Variants in TBXT observed in about 807,000 individuals in gnomAD.
TBXT encodes the protein T brachyury transcription factor.
In TBXT, 19 loss-of-function variants were observed where a neutral mutation model predicts 41.1. The observed-to-expected ratio is 0.46, with a 90% CI of 0.32 to 0.68. The LOEUF (loss-of-function observed/expected upper bound fraction) is 0.68, where lower values mean the gene tolerates loss of function less well. Among genes scored for constraint, TBXT ranks in the 30% least tolerant of loss-of-function variants. The pLI, the probability that TBXT is intolerant of heterozygous loss-of-function variation, is 0.03. For synonymous variants in TBXT, 213 were observed against 238.9 expected, an observed-to-expected ratio of 0.89 and a Z score of 1.00; for missense variants, 536 against 582.0, an observed-to-expected ratio of 0.92 and a Z score of 0.81.
In TBXT at chr6:166,157,787, A is replaced by G. The variant is rs1304601304; in HGVS notation, c.*528T>C. On this transcript the variant is annotated 3_prime_UTR_variant, in exon 8 of 8. Coordinates refer to ENST00000366876, the MANE Select transcript of TBXT (RefSeq NM_001366285.2). ...TTAGCTACATATGCTTAAAATACAC[A>G]CATTCTAGGGGGCAGAGCAGTCAAA... 1 of 161,158 alleles carries G rather than the reference A, an allele frequency of 6.2e-6. No homozygotes were observed. The highest frequency in any genetic ancestry group is 5.9e-5 in the Admixed American group (1 of 16,926). The allele number at this position is 161,158 out of a possible 1,614,324, so 10.0% of individuals were successfully genotyped here.
At chr6:166,168,585 T>C (rs956638363), upstream of TBXT, 12 of 152,282 alleles carry the variant, frequency 7.9e-5, no homozygotes, top group Admixed American at 6.5e-4. Context: ...GCTCTCACCA[T>C]CTGGAAAAGG....
Position 166,166,732 on chromosome 6 carries a change from G to A in TBXT, c.331C>T (p.Pro111Ser), listed in dbSNP as rs773839438. The stretch of plus-strand genomic sequence containing the variant: ...GCCTGCGGCTCCGGCTTGCCCCCCG[G>A]CACCCATTCCCCGTTCACGTACTTC... ...RWKYVNGEWV[P>S]GGKPEPQAPS... Residue 111 changes from proline to serine, a missense_variant, in exon 2 of 8, where the codon CCG (proline) becomes TCG (serine). Transcript: ENST00000366876. 16 of 1,613,786 alleles carry A rather than the reference G, an allele frequency of 9.9e-6. No homozygotes were observed. In the Middle Eastern group the frequency reaches 4.9e-4, roughly 50 times the overall value.
At chr6:166,168,315 C>G (rs1309550371), upstream of TBXT, 10 of 152,308 alleles carry the variant, frequency 6.6e-5, no homozygotes. Context: ...CTGGAACGTT[C>G]GCGCGGCCTC....
In TBXT at chr6:166,167,509, A is replaced by T. The variant is rs1266253845; in HGVS notation, c.83T>A (p.Leu28Gln). 21 of 1,607,704 alleles carry T rather than the reference A, an allele frequency of 1.3e-5. No individual in the cohort carries two copies. Among genetic ancestry groups the T allele is most frequent in the Non-Finnish European group, 1.7e-5 (20 of 1,179,572 alleles). Residue 28 changes from leucine (L) to glutamine (Q), a missense_variant, in exon 1 of 8, where the codon CTG becomes CAG. By Grantham distance (113) the Leu-to-Gln change is moderately radical. Coordinates refer to ENST00000366876, the MANE Select transcript of TBXT (RefSeq NM_001366285.2). ...GTCGCCCTTCTCGCTGCCCGCCTGC[A>T]GCTCATTCTCCACGGCGCTCAGCAG... ...DHLLSAVENE[L>Q]QAGSEKGDPT...
Position 166,166,595 on chromosome 6 carries a change from G to A in TBXT, c.468C>T (p.Gly156=), listed in dbSNP as rs368328281. 6 of 1,613,854 alleles carry A rather than the reference G, an allele frequency of 3.7e-6. No individual in the cohort carries two copies. Among genetic ancestry groups the A allele is most frequent in the Non-Finnish European group, 4.2e-6 (5 of 1,179,934 alleles). ...CTGGCGGGCTCCTCACACCTACCTGGCCCCCTCCGTTGAGCTTGTTGGTGA... is the reference window on the plus strand; with the variant it reads ...CTGGCGGGCTCCTCACACCTACCTGACCCCCTCCGTTGAGCTTGTTGGTGA... ...VKLTNKLNGG[G]QIMLNSLHKY... The change falls in exon 2 of 8, where the codon GGC becomes GGT. Residue 156 remains glycine (G), a synonymous_variant. Coordinates refer to ENST00000366876, the MANE Select transcript of TBXT (RefSeq NM_001366285.2).
Position 166,167,509 on chromosome 6 carries a change from A to G in TBXT, c.83T>C (p.Leu28Pro). The change falls in exon 1 of 8, where the codon CTG (leucine) becomes CCG (proline). Residue 28 changes from leucine (L) to proline (P), a missense_variant. Coordinates refer to ENST00000366876, the MANE Select transcript of TBXT (RefSeq NM_001366285.2). ...GTCGCCCTTCTCGCTGCCCGCCTGC[A>G]GCTCATTCTCCACGGCGCTCAGCAG... is the stretch of plus-strand genomic sequence containing the variant. ...DHLLSAVENE[L>P]QAGSEKGDPT... The G allele has an allele frequency of 1.9e-6, 3 of 1,607,704 alleles. No individual in the cohort carries two copies. Among genetic ancestry groups the G allele is most frequent in the Non-Finnish European group, 2.5e-6 (3 of 1,179,572 alleles).
At chr6:166,168,635 A>T (rs1024745896), upstream of TBXT, 2 of 152,288 alleles carry the variant, frequency 1.3e-5, no homozygotes, top group Non-Finnish European at 2.9e-5. Flanking sequence ...GGAAATAAGC[A>T]AAAGCAAAAC....
At chr6:166,167,353 C>T (rs1488414923) in intron 1 of TBXT, 33 bp downstream of exon 1, 2 of 1,610,160 alleles carry the variant, frequency 1.2e-6, no homozygotes, top group African/African-American at 2.7e-5. Context: ...CGCTGGAGAG[C>T]GCGGCGCGCG....
intron 1 of TBXT, 64 bp from the exon 2 acceptor site, chr6:166,166,920 C>G (rs949912099): frequency 1.2e-6 from 2 of 1,609,160 alleles, no homozygotes; most frequent in Non-Finnish European, 1.7e-6. Context: ...GAGGCAGAAG[C>G]TGGGCACAGA....
chr6:166,166,728 C>G lies in TBXT; in HGVS notation c.335G>C (p.Gly112Ala). ...GGGCGCCTGCGGCTCCGGCTTGCCC[C>G]CCGGCACCCATTCCCCGTTCACGTA... ...WKYVNGEWVP[G>A]GKPEPQAPSC... The change falls in exon 2 of 8, where the codon GGG (glycine) becomes GCG (alanine). Residue 112 changes from glycine to alanine, a missense_variant. By Grantham distance (60) the Gly-to-Ala change is moderately conservative. Coordinates refer to ENST00000366876, the MANE Select transcript of TBXT (RefSeq NM_001366285.2). The G allele has an allele frequency of 6.2e-7, 1 of 1,613,848 alleles. No homozygotes were observed. Among genetic ancestry groups the G allele is most frequent in the Non-Finnish European group, 8.5e-7 (1 of 1,180,050 alleles).
At position 166,158,605 on chromosome 6, in the gene TBXT, C is replaced by G; in HGVS notation, c.1038-17G>C. 6.7e-7 allele frequency: 1 copy of G among 1,498,570 alleles called. No homozygotes were observed. The highest frequency in any genetic ancestry group is 1.4e-5 in the African/African-American group (1 of 72,208). The allele number at this position is 1,498,570 out of a possible 1,614,324, so 92.8% of individuals were successfully genotyped here. The stretch of plus-strand genomic sequence containing the variant: ...GGGTACTGACTGCAACAGAAAGACA[C>G]CAGTGAGCAGGGCCTGGGCAGGGGC... On this transcript the variant is annotated splice_polypyrimidine_tract_variant and intron_variant, in intron 7 of 7. Transcript: ENST00000366876.
intron 7 of TBXT, among the ~76,000 whole-genome samples, chr6:166,160,091 C>A (rs1256406832): frequency 6.6e-6 from 1 of 152,216 alleles, no homozygotes; most frequent in Non-Finnish European, 1.5e-5. Context: ...CTGCTGTGAG[C>A]TGGTCCAATC....
In TBXT at chr6:166,167,735, C is replaced by A; in HGVS notation, c.-144G>T. On this transcript the variant is annotated 5_prime_UTR_variant, in exon 1 of 8. Coordinates refer to ENST00000366876, the MANE Select transcript of TBXT (RefSeq NM_001366285.2). ...GCGACGGCTCCCGGGTCCCGGGTCC[C>A]GGCACAGACCCGGGAGGAGGGCGCG... The A allele has an allele frequency of 9.4e-7, 1 of 1,063,690 alleles. No individual in the cohort carries two copies. 65.9% of individuals were successfully genotyped at this position (1,063,690 alleles called of 1,614,324 possible).
chr6:166,158,525 G>A lies in TBXT; in HGVS notation c.1101C>T (p.Ala367=), dbSNP rs940235890. 1.3e-5 allele frequency: 21 copies of A among 1,603,322 alleles called. No individual in the cohort carries two copies. The highest frequency in any genetic ancestry group is 1.7e-4 in the Middle Eastern group (1 of 6,016). Residue 367 remains alanine, a synonymous_variant, in exon 8 of 8, where the codon GCC becomes GCT. Transcript: ENST00000366876. ...ACTGGGCCCCCAGCCCGTTGGACACGGCTGCTGCCTGGGAGCCCGGGGTGA... is the reference window on the plus strand; with the variant it reads ...ACTGGGCCCCCAGCCCGTTGGACACAGCTGCTGCCTGGGAGCCCGGGGTGA... ...GAVTPGSQAA[A]VSNGLGAQFF...
intron 3 of TBXT, among the ~76,000 whole-genome samples, chr6:166,165,253 T>A (rs1427279288): frequency 1.3e-5 from 2 of 151,974 alleles, no homozygotes; most frequent in Non-Finnish European, 2.9e-5. Flanking sequence ...TACTTTGGGG[T>A]TGGGCTTAGG....
chr6:166,161,096 A>G (rs1485354398), intron 6 of TBXT, 130 bp from the exon 7 acceptor site: 1 of 1,235,472 alleles, frequency 8.1e-7, no homozygotes, highest in African/African-American at 1.5e-5. Flanking sequence ...TATTAACTGT[A>G]GAAAACAATC....
chr6:166,160,711 A>G (rs1778926393), intron 7 of TBXT, 126 bp downstream of exon 7: 2 of 1,403,564 alleles, frequency 1.4e-6, no homozygotes, highest in Admixed American at 2.2e-5. Context: ...AGAATTCTAA[A>G]TAAAGACCCA....
At position 166,162,297 on chromosome 6, in the gene TBXT, TTC is replaced by T. The variant is rs1467671344; in HGVS notation, c.907+148_907+149del. 6 of 793,668 alleles carry T rather than the reference TTC, an allele frequency of 7.6e-6. No individual in the cohort carries two copies. In the African/African-American group the frequency reaches 1.0e-4, roughly 14 times the overall value. 49.2% of individuals were successfully genotyped at this position (793,668 alleles called of 1,614,324 possible). On this transcript the variant is annotated intron_variant, in intron 6 of 7. Coordinates refer to ENST00000366876, the MANE Select transcript of TBXT (RefSeq NM_001366285.2). The stretch of plus-strand genomic sequence containing the variant: ...GTGGCGGAGACATAAATTGAAGATC[TTC>T]TCTTGAGCTACTAAAAAACTGGGCT...
chr6:166,164,297 GCCTA>G (rs141301700), intron 5 of TBXT, among the ~76,000 whole-genome samples: 29,414 of 152,064 alleles, frequency 0.19, 2,911 homozygotes, highest in Non-Finnish European at 0.21. Context: ...TTCTCCTGTT[GCCTA>G]CCTAATACAG....
Sources: gnomAD v4.1 joint callset for allele counts (sites outside exome capture counted in the v4.1 genomes callset) on GRCh38, gnomAD v4.1.1 for gene constraint, MANE v1.5 for transcripts, NCBI Gene and HGNC (gene_info 2026-07-23, HGNC 2026-07-21) for gene names.